The following ELK4 variants were observed in gnomAD, a reference collection of about 807,000 sequenced individuals.
ELK4 encodes the protein ETS transcription factor ELK4.
Under a neutral mutation model 29.6 loss-of-function variants are expected in ELK4, and 16 were observed. That is an observed-to-expected ratio of 0.54 (90% CI 0.37 to 0.82). The LOEUF is 0.82. Ranked by LOEUF, ELK4 falls within the 40% of genes least tolerant of loss-of-function variation. ELK4 has a pLI of 0.00. For missense variants in ELK4, 465 were observed against 507.1 expected (o/e 0.92, Z 0.80); for synonymous variants, 213 against 191.1 (o/e 1.11, Z -0.95).
rs1670301921 is a variant in ELK4 at position 205,619,980 on chromosome 1, CTGGTGTAAGAGAA to C, written c.1053_1065del (p.Ser352HisfsTer10). 2 of 1,614,098 alleles carry C rather than the reference CTGGTGTAAGAGAA, an allele frequency of 1.2e-6. No homozygotes were observed. The highest frequency in any genetic ancestry group is 2.7e-5 in the African/African-American group (2 of 74,928). ...GAGCAAGCTACCTGTGAAAAAAATG[CTGGTGTAAGAGAA>C]GCTGTAGGGAGAGATGGGCTCAGTA... On this transcript the variant is annotated frameshift_variant, in exon 3 of 5. Coordinates refer to ENST00000357992, the MANE Select transcript of ELK4 (RefSeq NM_001973.4). LOFTEE classifies it high-confidence loss of function.
chr1:205,630,935 T>C (rs1377236802), intron 1 of ELK4, among the ~76,000 whole-genome samples: 1 of 152,238 alleles, frequency 6.6e-6, no homozygotes, highest in Non-Finnish European at 1.5e-5. Context: ...AGAATCTTTA[T>C]TTAAATTCCC....
At position 205,612,295 on chromosome 1, in the gene ELK4, T is replaced by C. The variant is rs1465137850; in HGVS notation, c.*4251A>G. 1.9e-5 allele frequency: 4 copies of C among 208,512 alleles called. No individual in the cohort carries two copies. The highest frequency in any genetic ancestry group is 3.9e-5 in the Non-Finnish European group (4 of 102,496). 12.9% of individuals were successfully genotyped at this position (208,512 alleles called of 1,614,324 possible). A position where few individuals can be genotyped will look rare whatever the true frequency, so the allele number is the denominator to read the frequency against. On this transcript the variant is annotated 3_prime_UTR_variant, in exon 5 of 5. Coordinates refer to ENST00000357992, the MANE Select transcript of ELK4 (RefSeq NM_001973.4). Reference sequence around the variant, plus strand: ...ATGTTTGGAGATTAGAATGAGAATATCCTGAGTCAGCAGTCTTTAGGAAAA... The same window carrying C: ...ATGTTTGGAGATTAGAATGAGAATACCCTGAGTCAGCAGTCTTTAGGAAAA...
chr1:205,610,411 T>C lies in ELK4; in HGVS notation c.*6135A>G. On this transcript the variant is annotated 3_prime_UTR_variant, in exon 5 of 5. Coordinates refer to ENST00000357992, the MANE Select transcript of ELK4 (RefSeq NM_001973.4). ...ACTGTATTCAATCCATGGTCGAATC[T>C]CTGTACTTTAGAAATACTGCTTCCA... 1 of 230,774 alleles carries C rather than the reference T, an allele frequency of 4.3e-6. No homozygotes were observed. Among genetic ancestry groups the C allele is most frequent in the Non-Finnish European group, 8.6e-6 (1 of 116,576 alleles). 14.3% of individuals were successfully genotyped at this position (230,774 alleles called of 1,614,324 possible). A position where few individuals can be genotyped will look rare whatever the true frequency, so the allele number is the denominator to read the frequency against.
chr1:205,621,193 T>TAAAAA (rs61338827), intron 2 of ELK4, among the ~76,000 whole-genome samples: 3 of 77,452 alleles, frequency 3.9e-5, no homozygotes, highest in Admixed American at 1.6e-4. Flanking sequence ...GAGTCTGTCT[T>TAAAAA]AAAAAAAAAA....
Position 205,612,681 on chromosome 1 carries a change from T to C in ELK4, c.*3865A>G, listed in dbSNP as rs915381998. The C allele has an allele frequency of 3.7e-4, 76 of 208,092 alleles. 1 individual carries two copies. The highest frequency in any genetic ancestry group is 8.9e-4 in the African/African-American group (39 of 43,868). 12.9% of individuals were successfully genotyped at this position (208,092 alleles called of 1,614,324 possible). ...GACACCTTTAAGAACTTAAGAATCA[T>C]AGTAGAAAGTCAGATCAGGATGAAA... On this transcript the variant is annotated 3_prime_UTR_variant, in exon 5 of 5. Coordinates refer to ENST00000357992, the MANE Select transcript of ELK4 (RefSeq NM_001973.4).
In ELK4 at chr1:205,620,352, T is replaced by C; in HGVS notation, c.694A>G (p.Lys232Glu). ...GTTGGGGCTTCCAGGGAAGGCAGTT[T>C]TGGGGAAACCAATGTCTCCAAAGCT... ...IQALETLVSP[K>E]LPSLEAPTSA... The change falls in exon 3 of 5, where the codon AAA (lysine) becomes GAA (glutamate). Residue 232 changes from lysine (K) to glutamate (E), a missense_variant. Lys to Glu is a moderately conservative substitution (Grantham distance 56, BLOSUM62 1). Transcript: ENST00000357992. 6.2e-7 allele frequency: 1 copy of C among 1,614,132 alleles called. No individual in the cohort carries two copies. The highest frequency in any genetic ancestry group is 8.5e-7 in the Non-Finnish European group (1 of 1,180,024).
intron 1 of ELK4, among the ~76,000 whole-genome samples, chr1:205,625,294 T>TAA (rs34460220): frequency 6.7e-6 from 1 of 148,180 alleles, no homozygotes; most frequent in African/African-American, 2.5e-5. Flanking sequence ...CGCCTACGAC[T>TAA]AAAAAAAAAA....
rs574495934 is a variant in ELK4, at chr1:205,612,849, T to C, written c.*3697A>G. ...TTGACTTTTAAAATCTGTAATATAG[T>C]ATGTAAATCTTCAAGGAATTTTCCA... is the stretch of plus-strand genomic sequence containing the variant. On this transcript the variant is annotated 3_prime_UTR_variant, in exon 5 of 5. Coordinates refer to ENST00000357992, the MANE Select transcript of ELK4 (RefSeq NM_001973.4). 2 of 203,748 alleles carry C rather than the reference T, an allele frequency of 9.8e-6. No homozygotes were observed. Among genetic ancestry groups the C allele is most frequent in the Admixed American group, 6.0e-5 (1 of 16,742 alleles). The allele number at this position is 203,748 out of a possible 1,614,324, so 12.6% of individuals were successfully genotyped here.
At position 205,631,667 on chromosome 1, in the gene ELK4, C is replaced by T. The variant is rs765650713; in HGVS notation, c.-45G>A. ...CGCGGGGCTCCCCCTCGGTCTCCGC[C>T]TCGAACACGATGCGCCTCTCCGCCC... On this transcript the variant is annotated 5_prime_UTR_variant, in exon 1 of 5. Coordinates refer to ENST00000357992, the MANE Select transcript of ELK4 (RefSeq NM_001973.4). 2.0e-5 allele frequency: 7 copies of T among 345,132 alleles called. No homozygotes were observed. Among genetic ancestry groups the T allele is most frequent in the South Asian group, 1.4e-4 (7 of 51,792 alleles). The allele number at this position is 345,132 out of a possible 1,614,324, so 21.4% of individuals were successfully genotyped here.
chr1:205,625,670 C>A, intron 1 of ELK4: 1 of 837,900 alleles, frequency 1.2e-6, no homozygotes. Flanking sequence ...AGTTCTGCTG[C>A]TGCTGCTTCT....
rs1253808207 is a variant in ELK4, at chr1:205,613,617, T to A, written c.*2929A>T. 1.7e-5 allele frequency: 3 copies of A among 181,068 alleles called. No homozygotes were observed. Among genetic ancestry groups the A allele is most frequent in the East Asian group, 1.8e-4 (2 of 10,942 alleles). The allele number at this position is 181,068 out of a possible 1,614,324, so 11.2% of individuals were successfully genotyped here. A position where few individuals can be genotyped will look rare whatever the true frequency, so the allele number is the denominator to read the frequency against. On this transcript the variant is annotated 3_prime_UTR_variant, in exon 5 of 5. Transcript: ENST00000357992. ...TATAAAATTCTAATTTATATTAGAA[T>A]TTTATTTATAATTTATATTTGCAGC...
intron 2 of ELK4, among the ~76,000 whole-genome samples, chr1:205,623,212 T>C (rs1670385281): frequency 6.6e-6 from 1 of 151,364 alleles, no homozygotes; most frequent in Admixed American, 6.6e-5. Context: ...GGAACATTTA[T>C]ACCTTGTATC....
intron 1 of ELK4, among the ~76,000 whole-genome samples, chr1:205,630,665 C>T (rs148466913): frequency 2.6e-5 from 4 of 152,290 alleles, no homozygotes; most frequent in Non-Finnish European, 5.9e-5. Flanking sequence ...TACAATAAAA[C>T]TTAAAGACAC....
In ELK4 at chr1:205,610,664, T is replaced by G. The variant is rs146520507; in HGVS notation, c.*5882A>C. Reference sequence around the variant, plus strand: ...AGGCCTACTGAAATGTGCAAAGCATTAATCTTTTAAAAAGTGGCAACTGCA... The same window carrying G: ...AGGCCTACTGAAATGTGCAAAGCATGAATCTTTTAAAAAGTGGCAACTGCA... On this transcript the variant is annotated 3_prime_UTR_variant, in exon 5 of 5. Transcript: ENST00000357992. The G allele has an allele frequency of 1.1e-4, 26 of 231,406 alleles. 1 individual carries two copies. The highest frequency in any genetic ancestry group is 4.8e-4 in the African/African-American group (22 of 45,372). 14.3% of individuals were successfully genotyped at this position (231,406 alleles called of 1,614,324 possible).
chr1:205,626,963 A>C (rs1388726034), intron 1 of ELK4, among the ~76,000 whole-genome samples: 2 of 152,258 alleles, frequency 1.3e-5, no homozygotes, highest in African/African-American at 4.8e-5. Context: ...GGTATCATCC[A>C]GCCACAGAAA....
chr1:205,631,385 A>T (rs1464086323), intron 1 of ELK4, among the ~76,000 whole-genome samples: 2 of 139,484 alleles, frequency 1.4e-5, no homozygotes, highest in African/African-American at 2.7e-5. Context: ...AATCGCCGCC[A>T]CCTTTCGCCC....
At chr1:205,625,798 C>A in intron 1 of ELK4, 1 of 618,606 alleles carries the variant, frequency 1.6e-6, no homozygotes, top group Non-Finnish European at 2.9e-6. Context: ...CCTGTCTCAG[C>A]CTCCCGAGTA....
chr1:205,622,715 T>C (rs1389612579), intron 2 of ELK4, among the ~76,000 whole-genome samples: 1 of 152,126 alleles, frequency 6.6e-6, no homozygotes, highest in East Asian at 1.9e-4. Context: ...ATGACACACA[T>C]GAGAATATTT....
At chr1:205,618,828 A>G in intron 4 of ELK4, 129 bp downstream of exon 4, 1 of 684,654 alleles carries the variant, frequency 1.5e-6, no homozygotes, top group Non-Finnish European at 2.3e-6. Flanking sequence ...CATCTCAAAA[A>G]AATAAAAAAA....
Sources: allele counts gnomAD v4.1 joint callset (sites outside exome capture counted in the v4.1 genomes callset), GRCh38; gene constraint gnomAD v4.1.1; transcripts MANE v1.5; gene names NCBI Gene and HGNC (gene_info 2026-07-23, HGNC 2026-07-21).